KIAA0825: variants seen among roughly 807,000 people sequenced by gnomAD.
KIAA0825 encodes uncharacterized protein KIAA0825.
Under a neutral mutation model 147.6 loss-of-function variants are expected in KIAA0825, and 119 were observed. The ratio of observed to expected loss-of-function variants is 0.81; its 90% confidence interval spans 0.69 to 0.94. KIAA0825 has a LOEUF of 0.94. Among genes scored for constraint, KIAA0825 ranks in the 40% least tolerant of loss-of-function variants. The probability of loss-of-function intolerance (pLI) is 0.00; values close to 1 mark genes in which losing one functional copy is unlikely to be tolerated. For synonymous variants in KIAA0825, 470 were observed against 518.1 expected, an observed-to-expected ratio of 0.91 and a Z score of 1.26; for missense variants, 1,381 against 1,472.7, an observed-to-expected ratio of 0.94 and a Z score of 1.02.
intron 5 of KIAA0825, among the ~76,000 whole-genome samples, chr5:94,506,855 T>C (rs2151143422): frequency 6.6e-6 from 1 of 152,298 alleles, no homozygotes; most frequent in Non-Finnish European, 1.5e-5. Flanking sequence ...CACACTTCAT[T>C]GGAATAAACC....
Position 94,377,152 on chromosome 5 carries a change from C to G in KIAA0825, c.3710+7216G>C, listed in dbSNP as rs951119345. ...AAACATGTTTTCTAATCTCTGTTTC[C>G]TCTCAGATGTATGGTTATTGTCCAC... is the stretch of plus-strand genomic sequence containing the variant. On this transcript the variant is annotated intron_variant, in intron 20 of 20. Transcript: ENST00000682413. Among the ~76,000 whole-genome samples the G allele has an allele frequency of 4.6e-5, 7 of 152,298 alleles. No homozygotes were observed. In the South Asian group the frequency reaches 6.2e-4, roughly 14 times the overall value.
intron 5 of KIAA0825, among the ~76,000 whole-genome samples, chr5:94,510,775 T>TATGGC (rs1249561681): frequency 6.6e-6 from 1 of 152,226 alleles, no homozygotes; most frequent in Non-Finnish European, 1.5e-5. Flanking sequence ...CATTTTCAAG[T>TATGGC]ATGGCATGCA....
intron 13 of KIAA0825, among the ~76,000 whole-genome samples, chr5:94,443,154 A>G (rs1757299765): frequency 6.6e-6 from 1 of 152,116 alleles, no homozygotes; most frequent in Admixed American, 6.6e-5. Context: ...TGTACAGTAG[A>G]ATGACTCACT....
intron 1 of KIAA0825, among the ~76,000 whole-genome samples, chr5:94,595,586 C>T (rs1280348853): frequency 2.6e-5 from 4 of 152,184 alleles, no homozygotes; most frequent in Non-Finnish European, 1.5e-5. Context: ...ATTATCTTGT[C>T]GATTAACATT....
At position 94,583,324 on chromosome 5, in the gene KIAA0825, T is replaced by C. The variant is rs1430587738; in HGVS notation, c.-152-741A>G. 4.6e-5 allele frequency among the ~76,000 whole-genome samples: 7 copies of C among 152,188 alleles called. No individual in the cohort carries two copies. The East Asian group carries it at 7.7e-4, about 17-fold the overall frequency. On this transcript the variant is annotated intron_variant, in intron 1 of 20. Coordinates refer to ENST00000682413, the MANE Select transcript of KIAA0825 (RefSeq NM_001145678.3). ...TCCAAATACTGCACTCTTCCCATGG[T>C]CTTTGCAACTGGCAGACCAGAAGAT...
intron 20 of KIAA0825, among the ~76,000 whole-genome samples, chr5:94,202,939 A>G (rs1192827207): frequency 6.6e-6 from 1 of 152,180 alleles, no homozygotes; most frequent in African/African-American, 2.4e-5. Context: ...GCACCATTTC[A>G]TATCATTCCT....
chr5:94,279,384 A>C (rs2150152674), intron 20 of KIAA0825, among the ~76,000 whole-genome samples: 1 of 152,176 alleles, frequency 6.6e-6, no homozygotes, highest in South Asian at 2.1e-4. Context: ...AATCTATTGA[A>C]ACCCAGAGAA....
chr5:94,356,554 T>C (rs1482188245), intron 20 of KIAA0825, among the ~76,000 whole-genome samples: 2 of 150,750 alleles, frequency 1.3e-5, no homozygotes, highest in African/African-American at 4.9e-5. Flanking sequence ...GGACTTGCAG[T>C]GAGCCGAGAT....
intron 15 of KIAA0825, chr5:94,414,737 G>C (rs1021687781): frequency 6.6e-6 from 1 of 152,214 alleles, no homozygotes; most frequent in Non-Finnish European, 1.5e-5. Flanking sequence ...GACCAGTACA[G>C]GTTCGTGACC....
intron 5 of KIAA0825, among the ~76,000 whole-genome samples, chr5:94,512,485 G>A (rs940026656): frequency 6.6e-6 from 1 of 151,824 alleles, no homozygotes. Context: ...TATGGGTCCA[G>A]GCACAGTGCC....
rs549839192 is a variant in KIAA0825 at position 94,400,200 on chromosome 5, A to G, written c.2887+3369T>C. 5.9e-5 allele frequency among the ~76,000 whole-genome samples: 9 copies of G among 152,306 alleles called. No individual in the cohort carries two copies. In the East Asian group the frequency reaches 1.7e-3, roughly 29 times the overall value. ...AATATCCATCATCTGTGATGTAAAT[A>G]TGTTGTTCTTGCAAACGAATGGAAA... On this transcript the variant is annotated intron_variant, in intron 16 of 20. Coordinates refer to ENST00000682413, the MANE Select transcript of KIAA0825 (RefSeq NM_001145678.3).
intron 20 of KIAA0825, among the ~76,000 whole-genome samples, chr5:94,166,673 A>G (rs538296203): frequency 6.6e-6 from 1 of 151,534 alleles, no homozygotes; most frequent in African/African-American, 2.4e-5. Flanking sequence ...ATGCCCAGCT[A>G]ATTTTTGTAT....
intron 20 of KIAA0825, among the ~76,000 whole-genome samples, chr5:94,327,102 T>C (rs558421433): frequency 1.3e-5 from 2 of 152,324 alleles, no homozygotes; most frequent in East Asian, 1.9e-4. Context: ...ACTTAAGGAA[T>C]ACTACATGGG....
At position 94,151,245 on chromosome 5, in the gene KIAA0825, G is replaced by A. The variant is rs34384674; in HGVS notation, c.*2762C>T. On this transcript the variant is annotated 3_prime_UTR_variant, in exon 21 of 21. Transcript: ENST00000682413. ...ATCCTGGCTAACAAGGTGAAACCCCGTCTCTACTAAAAATACAAAAAAGTA... is the reference window on the plus strand; with the variant it reads ...ATCCTGGCTAACAAGGTGAAACCCCATCTCTACTAAAAATACAAAAAAGTA... 0.092 allele frequency among the ~76,000 whole-genome samples: 13,748 copies of A among 149,514 alleles called. 768 individuals are homozygous for A. Among genetic ancestry groups the A allele is most frequent in the Middle Eastern group, 0.17 (48 of 290 alleles).
chr5:94,465,195 T>C (rs889619860), intron 10 of KIAA0825, 136 bp from the exon 11 acceptor site: 10 of 711,654 alleles, frequency 1.4e-5, no homozygotes, highest in East Asian at 1.4e-4. Flanking sequence ...ACAAAGATTT[T>C]TGACAAGATG....
chr5:94,222,753 G>C (rs1773779822), intron 20 of KIAA0825, among the ~76,000 whole-genome samples: 1 of 152,022 alleles, frequency 6.6e-6, no homozygotes, highest in South Asian at 2.1e-4. Context: ...AATAAGTTAT[G>C]CTTTATTCGA....
chr5:94,526,256 C>T (rs1010198214), intron 3 of KIAA0825, among the ~76,000 whole-genome samples: 2 of 151,858 alleles, frequency 1.3e-5, no homozygotes, highest in Non-Finnish European at 2.9e-5. Flanking sequence ...TCAGATGCTA[C>T]ACATTATTCA....
intron 20 of KIAA0825, among the ~76,000 whole-genome samples, chr5:94,155,508 C>T (rs1766962325): frequency 6.6e-6 from 1 of 152,088 alleles, no homozygotes; most frequent in Non-Finnish European, 1.5e-5. Flanking sequence ...ATGTGAGCCA[C>T]TAGTATGATA....
chr5:94,188,333 C>T (rs1369380424), intron 20 of KIAA0825, among the ~76,000 whole-genome samples: 2 of 152,010 alleles, frequency 1.3e-5, no homozygotes, highest in Non-Finnish European at 1.5e-5. Context: ...GTATTTGGAC[C>T]TCTCTATTTG....
Sources: gnomAD v4.1 joint callset for allele counts (sites outside exome capture counted in the v4.1 genomes callset) on GRCh38, gnomAD v4.1.1 for gene constraint, MANE v1.5 for transcripts, NCBI Gene and HGNC (gene_info 2026-07-23, HGNC 2026-07-21) for gene names.